FGF14: variants seen among roughly 807,000 people sequenced by gnomAD.
The protein encoded by FGF14 is fibroblast growth factor 14.
FGF14 carries 5 observed loss-of-function variants against 25.5 expected under a neutral mutation model. The observed-to-expected ratio is 0.20, with a 90% CI of 0.10 to 0.41. The LOEUF is 0.41. Ranked by LOEUF, FGF14 falls within the 10% of genes least tolerant of loss-of-function variation. The pLI, the probability that FGF14 is intolerant of heterozygous loss-of-function variation, is 1.00. For missense variants in FGF14, 222 were observed against 320.1 expected (o/e 0.69, Z 2.34); for synonymous variants, 138 against 118.3 (o/e 1.17, Z -1.08).
chr13:102,243,894 TG>T (rs2141038902), intron 1 of FGF14, among the ~76,000 whole-genome samples: 1 of 152,152 alleles, frequency 6.6e-6, no homozygotes, highest in South Asian at 2.1e-4. Context: ...GCAACTATGT[TG>T]ATGAGAACTC....
chr13:101,949,565 T>C (rs903934201), intron 1 of FGF14, among the ~76,000 whole-genome samples: 1 of 152,158 alleles, frequency 6.6e-6, no homozygotes, highest in African/African-American at 2.4e-5. Context: ...TAAAGGCACA[T>C]TGGTTCTTAG....
intron 1 of FGF14, among the ~76,000 whole-genome samples, chr13:101,932,985 T>C (rs187514107): frequency 1.7e-4 from 26 of 152,294 alleles, no homozygotes; most frequent in African/African-American, 5.8e-4. Context: ...TGAAGTCCTA[T>C]TTCTTCCTAG....
At chr13:102,290,396 T>G (rs1202172792) in intron 1 of FGF14, among the ~76,000 whole-genome samples, 1 of 152,170 alleles carries the variant, frequency 6.6e-6, no homozygotes, top group Non-Finnish European at 1.5e-5. Context: ...AAACTTCTGT[T>G]TAGCTTATAA....
chr13:101,737,733 T>A (rs2036281606), intron 3 of FGF14, among the ~76,000 whole-genome samples: 1 of 152,122 alleles, frequency 6.6e-6, no homozygotes, highest in Non-Finnish European at 1.5e-5. Flanking sequence ...ATTCTTGCAA[T>A]TCCATACGCT....
chr13:102,123,985 C>T (rs192861711), intron 1 of FGF14, among the ~76,000 whole-genome samples: 19 of 152,224 alleles, frequency 1.2e-4, no homozygotes, highest in Non-Finnish European at 7.4e-5. Context: ...TGCAGATTTA[C>T]ATGTGAATAA....
At chr13:102,288,420 T>G (rs930470132) in intron 1 of FGF14, among the ~76,000 whole-genome samples, 4 of 152,186 alleles carry the variant, frequency 2.6e-5, no homozygotes, top group Non-Finnish European at 5.9e-5. Flanking sequence ...ACAAGTACTT[T>G]GACTCTCTCA....
rs1443118475 is a variant in FGF14 at position 101,868,931 on chromosome 13, C to T, written c.305-103G>A. The T allele has an allele frequency of 6.4e-6, 5 of 785,220 alleles. No homozygotes were observed. The Admixed American group carries it at 8.1e-5, about 13-fold the overall frequency. The allele number at this position is 785,220 out of a possible 1,614,324, so 48.6% of individuals were successfully genotyped here. On this transcript the variant is annotated intron_variant, in intron 2 of 4. Coordinates refer to ENST00000376143, the MANE Select transcript of FGF14 (RefSeq NM_004115.4). The stretch of plus-strand genomic sequence containing the variant: ...TTTATTTAAGAAACATCATCTTTGC[C>T]AATACTTTCTAGAAATTCCAATTAA...
chr13:102,112,464 A>AT (rs907711643), intron 1 of FGF14, among the ~76,000 whole-genome samples: 40 of 152,016 alleles, frequency 2.6e-4, no homozygotes, highest in African/African-American at 8.9e-4. Flanking sequence ...TTTTGTATTG[A>AT]TTTTTTTTCC....
chr13:102,133,645 T>C (rs1447747847), intron 1 of FGF14, among the ~76,000 whole-genome samples: 2 of 152,196 alleles, frequency 1.3e-5, no homozygotes, highest in Non-Finnish European at 2.9e-5. Flanking sequence ...TTTAAAACAG[T>C]CCCAACATTT....
intron 1 of FGF14, among the ~76,000 whole-genome samples, chr13:101,892,373 T>C (rs2029884222): frequency 6.6e-6 from 1 of 152,128 alleles, no homozygotes; most frequent in Non-Finnish European, 1.5e-5. Flanking sequence ...TTTAGCCACA[T>C]ATATTATTTG....
intron 1 of FGF14, among the ~76,000 whole-genome samples, chr13:102,351,207 G>A (rs773357472): frequency 9.1e-4 from 138 of 151,576 alleles, no homozygotes; most frequent in Non-Finnish European, 1.1e-3. Flanking sequence ...CTAAAATTTT[G>A]TAAAAAGTAC....
At chr13:102,103,201 TG>T (rs1252235645) in intron 1 of FGF14, among the ~76,000 whole-genome samples, 2 of 151,944 alleles carry the variant, frequency 1.3e-5, no homozygotes, top group East Asian at 3.9e-4. Flanking sequence ...TGAATACCAA[TG>T]GTAAGTCACA....
At chr13:102,079,932 A>G (rs2043539680) in intron 1 of FGF14, among the ~76,000 whole-genome samples, 1 of 152,180 alleles carries the variant, frequency 6.6e-6, no homozygotes, top group African/African-American at 2.4e-5. Context: ...CAGGATCAAT[A>G]AGTGGTGCCT....
intron 1 of FGF14, among the ~76,000 whole-genome samples, chr13:102,066,222 A>G (rs992022869): frequency 6.6e-6 from 1 of 152,198 alleles, no homozygotes; most frequent in Non-Finnish European, 1.5e-5. Context: ...GATAATTCAT[A>G]GTGGTAATAT....
chr13:101,751,106 G>C (rs1217173241), intron 3 of FGF14, among the ~76,000 whole-genome samples: 1 of 152,088 alleles, frequency 6.6e-6, no homozygotes, highest in Admixed American at 6.6e-5. Context: ...CTATCTGTAT[G>C]TTACTATAAT....
chr13:102,035,288 C>T (rs1451055583), intron 1 of FGF14, among the ~76,000 whole-genome samples: 1 of 152,030 alleles, frequency 6.6e-6, no homozygotes, highest in Non-Finnish European at 1.5e-5. Flanking sequence ...TTTGTATTTA[C>T]TTATATTTAT....
chr13:102,120,240 A>C (rs967485165), intron 1 of FGF14, among the ~76,000 whole-genome samples: 7 of 152,244 alleles, frequency 4.6e-5, no homozygotes, highest in Admixed American at 3.9e-4. Flanking sequence ...TATGGGCCTA[A>C]TATGGGAAGC....
chr13:101,914,853 A>G (rs1323957870), intron 1 of FGF14, among the ~76,000 whole-genome samples: 2 of 152,180 alleles, frequency 1.3e-5, no homozygotes, highest in African/African-American at 4.8e-5. Flanking sequence ...CTGTATTCTA[A>G]AAGATAGTCT....
At chr13:101,942,351 A>G (rs1051546124) in intron 1 of FGF14, among the ~76,000 whole-genome samples, 1 of 152,220 alleles carries the variant, frequency 6.6e-6, no homozygotes, top group Non-Finnish European at 1.5e-5. Context: ...ATAGGCAACT[A>G]TTCTGGAAAA....
Sources: allele counts gnomAD v4.1 joint callset (sites outside exome capture counted in the v4.1 genomes callset), GRCh38; gene constraint gnomAD v4.1.1; transcripts MANE v1.5; gene names NCBI Gene and HGNC (gene_info 2026-07-23, HGNC 2026-07-21).